ESRP1: variants seen among roughly 807,000 people sequenced by gnomAD.
The protein encoded by ESRP1 is epithelial splicing regulatory protein 1, also known as RNA-binding motif protein 35A.
In ESRP1, 33 loss-of-function variants were observed where a neutral mutation model predicts 81.7. The ratio of observed to expected loss-of-function variants is 0.40; its 90% CI spans 0.31 to 0.54. The LOEUF (loss-of-function observed/expected upper bound fraction) is 0.54, where lower values mean the gene tolerates loss of function less well. Ranked by LOEUF, ESRP1 falls within the 20% of genes least tolerant of loss-of-function variation. The pLI is 0.41. For missense variants in ESRP1, 672 were observed against 833.1 expected, an observed-to-expected ratio of 0.81 and a Z score of 2.38; for synonymous variants, 320 against 303.3, an observed-to-expected ratio of 1.06 and a Z score of -0.57.
chr8:94,668,287 T>C (rs781408779), intron 10 of ESRP1, 37 bp downstream of exon 10: 28 of 1,506,748 alleles, frequency 1.9e-5, no homozygotes, highest in Non-Finnish European at 2.4e-5. Flanking sequence ...ACCTTTGCAT[T>C]AATTTCTGTT....
At chr8:94,705,726 C>A (rs1810043835) in intron 15 of ESRP1, 199 bp from the exon 16 acceptor site, 2 of 553,754 alleles carry the variant, frequency 3.6e-6, no homozygotes, top group Non-Finnish European at 6.4e-6. Flanking sequence ...ATGGAAACTT[C>A]CTTGGCTAGT....
intron 15 of ESRP1, among the ~76,000 whole-genome samples, chr8:94,704,767 A>G (rs996434799): frequency 0.034 from 339 of 10,012 alleles, 9 homozygotes; most frequent in Middle Eastern, 0.056. Context: ...TCTCTTTTTG[A>G]AAAAAAAAAA....
Position 94,667,931 on chromosome 8 carries a change from A to G in ESRP1, c.932-18A>G, listed in dbSNP as rs767445927. The G allele has an allele frequency of 3.9e-6, 6 of 1,538,948 alleles. No homozygotes were observed. Among genetic ancestry groups the G allele is most frequent in the Middle Eastern group, 1.7e-4 (1 of 5,756 alleles). On this transcript the variant is annotated intron_variant, in intron 9 of 15. Transcript: ENST00000433389. Reference sequence around the variant, plus strand: ...TTAACTATTTCTCTCCCTGCTTCCTAATATTTGTTTTCCCTAGGTACTTCC... The same window carrying G: ...TTAACTATTTCTCTCCCTGCTTCCTGATATTTGTTTTCCCTAGGTACTTCC...
chr8:94,657,472 CGTGTGTGTGTGTGT>C (rs9297944), intron 4 of ESRP1, among the ~76,000 whole-genome samples: 84 of 146,268 alleles, frequency 5.7e-4, no homozygotes, highest in South Asian at 1.1e-3. Flanking sequence ...AGGCTGTGTG[CGTGTGTGTGTGTGT>C]GTGTGTGTGT....
intron 9 of ESRP1, among the ~76,000 whole-genome samples, chr8:94,666,988 T>C (rs935460699): frequency 1.3e-5 from 2 of 152,038 alleles, no homozygotes; most frequent in Non-Finnish European, 2.9e-5. Flanking sequence ...GGATCACTTG[T>C]GGTCAAGAGT....
At chr8:94,650,783 G>T (rs1383942470) in intron 4 of ESRP1, among the ~76,000 whole-genome samples, 1 of 144,622 alleles carries the variant, frequency 6.9e-6, no homozygotes, top group African/African-American at 2.4e-5. Context: ...CGCGATCTTG[G>T]CTAACTGCAA....
At position 94,696,882 on chromosome 8, in the gene ESRP1, A is replaced by T. The variant is rs760377197; in HGVS notation, c.2002A>T (p.Asn668Tyr). 6.3e-7 allele frequency: 1 copy of T among 1,595,996 alleles called. No homozygotes were observed. The highest frequency in any genetic ancestry group is 8.5e-7 in the Non-Finnish European group (1 of 1,170,762). The part of the protein sequence containing the change: ...YATEDGLIHT[N>Y]DQARTLPKEW... ...AACCGAGGATGGACTTATACACACAAATGACCAGGCCAGGACTCTACCCAA... is the reference window on the plus strand; with the variant it reads ...AACCGAGGATGGACTTATACACACATATGACCAGGCCAGGACTCTACCCAA... The change falls in exon 15 of 16, where the codon AAT (asparagine) becomes TAT (tyrosine). Residue 668 changes from asparagine to tyrosine, a missense_variant. By Grantham distance (143) the Asn-to-Tyr change is moderately radical. Coordinates refer to ENST00000433389, the MANE Select transcript of ESRP1 (RefSeq NM_017697.4).
At chr8:94,677,000 T>C (rs980288722) in intron 12 of ESRP1, among the ~76,000 whole-genome samples, 5 of 151,864 alleles carry the variant, frequency 3.3e-5, no homozygotes, top group African/African-American at 1.2e-4. Context: ...TAAAAAAAAA[T>C]TCAAGAAATC....
chr8:94,663,807 G>A (rs1741408993), intron 6 of ESRP1, among the ~76,000 whole-genome samples: 1 of 152,084 alleles, frequency 6.6e-6, no homozygotes, highest in African/African-American at 2.4e-5. Context: ...GACATCAAAA[G>A]GTGTCAAAAT....
intron 13 of ESRP1, chr8:94,688,104 A>G (rs1809216379): frequency 1.3e-5 from 2 of 152,360 alleles, no homozygotes; most frequent in Admixed American, 6.6e-5. Context: ...AAACAAAGTC[A>G]TCCTTTTACG....
chr8:94,662,234 T>G, intron 4 of ESRP1, 38 bp from the exon 5 acceptor site: 1 of 1,328,296 alleles, frequency 7.5e-7, no homozygotes, highest in Non-Finnish European at 1.0e-6. Context: ...TAACCTGATT[T>G]TACCTTTCCA....
intron 11 of ESRP1, among the ~76,000 whole-genome samples, chr8:94,672,767 G>C: frequency 6.6e-6 from 1 of 152,248 alleles, no homozygotes; most frequent in Non-Finnish European, 1.5e-5. Flanking sequence ...TCCTGACCTC[G>C]GGCGATCTAC....
chr8:94,668,989 C>T (rs1319888156), intron 10 of ESRP1, among the ~76,000 whole-genome samples: 2 of 152,102 alleles, frequency 1.3e-5, no homozygotes, highest in African/African-American at 4.8e-5. Flanking sequence ...GATGGGGTTT[C>T]GCGGCAGGCT....
At chr8:94,649,089 C>T (rs541787557) in intron 4 of ESRP1, among the ~76,000 whole-genome samples, 10 of 152,252 alleles carry the variant, frequency 6.6e-5, no homozygotes, top group South Asian at 4.1e-4. Flanking sequence ...GGCATGATGA[C>T]GCACATCTGT....
At chr8:94,700,454 C>G (rs922604222) in intron 15 of ESRP1, among the ~76,000 whole-genome samples, 1 of 152,202 alleles carries the variant, frequency 6.6e-6, no homozygotes, top group Non-Finnish European at 1.5e-5. Context: ...GTGTTCCCAG[C>G]TACCAGCAGC....
intron 15 of ESRP1, among the ~76,000 whole-genome samples, chr8:94,704,175 C>CTT (rs34541416): frequency 0.053 from 6,869 of 128,944 alleles, 358 homozygotes; most frequent in Non-Finnish European, 0.073. Context: ...GCTTCTGAGA[C>CTT]TTTTTTTTTT....
At chr8:94,702,460 G>C (rs182693447) in intron 15 of ESRP1, among the ~76,000 whole-genome samples, 2 of 152,208 alleles carry the variant, frequency 1.3e-5, no homozygotes, top group Admixed American at 1.3e-4. Context: ...TATAAAAACT[G>C]TATTTGATCA....
At chr8:94,650,182 C>T (rs144003029) in intron 4 of ESRP1, among the ~76,000 whole-genome samples, 3 of 152,204 alleles carry the variant, frequency 2.0e-5, no homozygotes, top group African/African-American at 2.4e-5. Context: ...TTTTGACAAA[C>T]GTATAATGAC....
chr8:94,692,934 A>G (rs1249225273), intron 14 of ESRP1, 107 bp downstream of exon 14: 7 of 1,198,198 alleles, frequency 5.8e-6, no homozygotes, highest in South Asian at 3.1e-5. Flanking sequence ...TCGTGTGTGT[A>G]TATATGCTAA....
Sources: gnomAD v4.1 joint callset for allele counts (sites outside exome capture counted in the v4.1 genomes callset) on GRCh38, gnomAD v4.1.1 for gene constraint, MANE v1.5 for transcripts, NCBI Gene and HGNC (gene_info 2026-07-23, HGNC 2026-07-21) for gene names.